PDE1C: variants seen among roughly 807,000 people sequenced by gnomAD.
The protein encoded by PDE1C is phosphodiesterase 1C, also known as dual specificity calcium/calmodulin-dependent 3',5'-cyclic nucleotide phosphodiesterase 1C.
PDE1C carries 62 observed loss-of-function variants against 93.1 expected under a neutral mutation model. The ratio of observed to expected loss-of-function variants is 0.67; its 90% CI spans 0.54 to 0.82. The LOEUF (loss-of-function observed/expected upper bound fraction) is 0.82. Among genes scored for constraint, PDE1C ranks in the 40% least tolerant of loss-of-function variants. PDE1C has a pLI of 0.00. For synonymous variants in PDE1C, 325 were observed against 310.1 expected (o/e 1.05, Z -0.50); for missense variants, 742 against 884.6 (o/e 0.84, Z 2.04).
intron 2 of PDE1C, among the ~76,000 whole-genome samples, chr7:31,908,466 G>A (rs930367174): frequency 8.5e-5 from 13 of 152,172 alleles, no homozygotes; most frequent in African/African-American, 3.1e-4. Flanking sequence ...CACCACTGCA[G>A]GGCGCATCCA....
At chr7:31,765,265 A>C (rs1199382528) in intron 17 of PDE1C, among the ~76,000 whole-genome samples, 1 of 152,146 alleles carries the variant, frequency 6.6e-6, no homozygotes, top group Non-Finnish European at 1.5e-5. Flanking sequence ...TTTAATGCTA[A>C]GGATATAAAA....
chr7:32,079,546 T>A (rs867460852), intron 3 of PDE1C, among the ~76,000 whole-genome samples: 2 of 152,200 alleles, frequency 1.3e-5, no homozygotes, highest in Non-Finnish European at 2.9e-5. Context: ...TTGTTTGGGG[T>A]CTGCCATGCA....
At chr7:32,015,549 G>A (rs780748435) in intron 2 of PDE1C, among the ~76,000 whole-genome samples, 9 of 147,616 alleles carry the variant, frequency 6.1e-5, no homozygotes, top group Non-Finnish European at 7.5e-5. Flanking sequence ...CACCACCAAC[G>A]TCTAGCTCAT....
At chr7:32,067,499 C>A (rs1487881751) in intron 1 of PDE1C, among the ~76,000 whole-genome samples, 1 of 152,172 alleles carries the variant, frequency 6.6e-6, no homozygotes, top group East Asian at 1.9e-4. Context: ...CACCTCCCTG[C>A]AATATACTTG....
chr7:31,824,651 G>T (rs112052480), intron 13 of PDE1C, among the ~76,000 whole-genome samples: 2 of 152,104 alleles, frequency 1.3e-5, no homozygotes, highest in Non-Finnish European at 2.9e-5. Flanking sequence ...TGCTGGTCAC[G>T]ATTTAGACCT....
intron 1 of PDE1C, among the ~76,000 whole-genome samples, chr7:32,054,774 A>C (rs1204834362): frequency 1.3e-5 from 2 of 152,202 alleles, no homozygotes; most frequent in Non-Finnish European, 1.5e-5. Flanking sequence ...CCCTAAAATC[A>C]ACCCAAATGG....
chr7:32,108,571 C>T (rs556971581), intron 3 of PDE1C, among the ~76,000 whole-genome samples: 11 of 152,112 alleles, frequency 7.2e-5, no homozygotes, highest in Non-Finnish European at 1.5e-4. Flanking sequence ...ATTCAAAATA[C>T]CACAACCTCA....
At chr7:31,793,901 C>T (rs1351180514) in intron 16 of PDE1C, among the ~76,000 whole-genome samples, 1 of 151,678 alleles carries the variant, frequency 6.6e-6, no homozygotes, top group Non-Finnish European at 1.5e-5. Flanking sequence ...CATGCTACAG[C>T]ACTGCTAAGA....
intron 2 of PDE1C, among the ~76,000 whole-genome samples, chr7:32,043,886 G>A (rs1792167539): frequency 6.6e-6 from 1 of 152,214 alleles, no homozygotes; most frequent in Non-Finnish European, 1.5e-5. Flanking sequence ...GGAGTATGCA[G>A]TGAACTGCAA....
At chr7:32,307,909 G>A (rs907832044) in intron 1 of PDE1C, among the ~76,000 whole-genome samples, 18 of 152,290 alleles carry the variant, frequency 1.2e-4, no homozygotes, top group African/African-American at 2.4e-4. Flanking sequence ...CGCACTGTGC[G>A]TGAGCCGAAG....
At chr7:31,656,123 A>C in the PDE1C span, 1 of 691,448 alleles carries the variant, frequency 1.4e-6, no homozygotes, top group Non-Finnish European at 1.8e-6. Flanking sequence ...AAACTCCTAT[A>C]TCACTTTGCT....
chr7:32,128,398 T>C (rs750111509), intron 3 of PDE1C, among the ~76,000 whole-genome samples: 15 of 151,714 alleles, frequency 9.9e-5, no homozygotes, highest in Non-Finnish European at 2.2e-4. Flanking sequence ...AAATTAAAAG[T>C]AAAAAAACAT....
chr7:32,248,792 C>A (rs376809398), intron 1 of PDE1C, among the ~76,000 whole-genome samples: 14 of 152,214 alleles, frequency 9.2e-5, no homozygotes, highest in South Asian at 2.1e-4. Flanking sequence ...ATGTCAGCAA[C>A]ACTTGGAAAA....
At chr7:31,757,466 G>A (rs1794538316) in intron 17 of PDE1C, among the ~76,000 whole-genome samples, 1 of 152,170 alleles carries the variant, frequency 6.6e-6, no homozygotes, top group African/African-American at 2.4e-5. Context: ...GAGAAAATCA[G>A]TCAAACCAAG....
At chr7:32,255,629 C>G (rs1809733291) in intron 1 of PDE1C, among the ~76,000 whole-genome samples, 1 of 152,136 alleles carries the variant, frequency 6.6e-6, no homozygotes, top group South Asian at 2.1e-4. Flanking sequence ...GATATTTGTC[C>G]TGCATGCAAG....
At chr7:31,675,462 C>G in the PDE1C span, among the ~76,000 whole-genome samples, 1 of 152,078 alleles carries the variant, frequency 6.6e-6, no homozygotes, top group South Asian at 2.1e-4. Flanking sequence ...TAATAGCTGG[C>G]TTGCCCCAAC....
At chr7:32,304,611 C>T (rs545387779) in intron 1 of PDE1C, among the ~76,000 whole-genome samples, 11 of 151,718 alleles carry the variant, frequency 7.3e-5, no homozygotes, top group African/African-American at 1.2e-4. Flanking sequence ...CACGGCTCCA[C>T]GGCAAATAGG....
chr7:31,741,860 C>T, the PDE1C span, among the ~76,000 whole-genome samples: 2 of 152,186 alleles, frequency 1.3e-5, no homozygotes, highest in African/African-American at 4.8e-5. Flanking sequence ...GGGACCAGGT[C>T]CCATGTGCCC....
chr7:31,998,075 A>C (rs1784967878), intron 2 of PDE1C, among the ~76,000 whole-genome samples: 1 of 151,752 alleles, frequency 6.6e-6, no homozygotes. Context: ...GCTGGAATGC[A>C]GTGGCGCAAT....
Sources: gnomAD v4.1 joint callset for allele counts (sites outside exome capture counted in the v4.1 genomes callset) on GRCh38, gnomAD v4.1.1 for gene constraint, MANE v1.5 for transcripts, NCBI Gene and HGNC (gene_info 2026-07-23, HGNC 2026-07-21) for gene names.